PPM1E: variants seen among roughly 807,000 people sequenced by gnomAD.
PPM1E encodes protein phosphatase 1E.
Under a neutral mutation model 65.9 loss-of-function variants are expected in PPM1E, and 20 were observed. The ratio of observed to expected loss-of-function variants is 0.30; its 90% confidence interval spans 0.21 to 0.44. The LOEUF is 0.44. PPM1E is among the 20% of genes least tolerant of loss of function. PPM1E has a pLI of 1.00. For missense variants in PPM1E, 713 were observed against 953.1 expected (o/e 0.75, Z 3.32); for synonymous variants, 352 against 374.9 (o/e 0.94, Z 0.70).
At chr17:58,762,854 C>T (rs892263382) in intron 1 of PPM1E, among the ~76,000 whole-genome samples, 6 of 149,152 alleles carry the variant, frequency 4.0e-5, no homozygotes, top group Admixed American at 2.0e-4. Context: ...GCCGAGATCC[C>T]GCCACTGCAC....
intron 1 of PPM1E, among the ~76,000 whole-genome samples, chr17:58,809,350 A>ACT (rs2050343716): frequency 1.3e-5 from 2 of 152,062 alleles, no homozygotes; most frequent in African/African-American, 4.8e-5. Context: ...TAGCCTCCCA[A>ACT]AGTGTTGGGA....
intron 1 of PPM1E, among the ~76,000 whole-genome samples, chr17:58,823,377 G>A (rs35103007): frequency 0.18 from 28,086 of 152,122 alleles, 2,765 homozygotes; most frequent in Non-Finnish European, 0.21. Flanking sequence ...CACAGGAATG[G>A]TTTCTCAGGA....
rs143934307 is a variant in PPM1E at position 58,965,769 on chromosome 17, T to C, written c.659T>C (p.Phe220Ser). ...HEICCSWVKD[F>S]PLRRRPQLYY... Reference sequence around the variant, plus strand: ...ATTTGCTGCAGCTGGGTGAAAGACTTCCCCCTCCGCAGGAGACCCCAGCTT... The same window carrying C: ...ATTTGCTGCAGCTGGGTGAAAGACTCCCCCCTCCGCAGGAGACCCCAGCTT... Residue 220 changes from phenylalanine (F) to serine (S), a missense_variant, in exon 3 of 7, where the codon TTC becomes TCC. Phe to Ser is a radical substitution (Grantham distance 155, BLOSUM62 -2). This residue lies in a region of PPM1E where 84 missense variants were observed against 113.9 expected (regional missense o/e 0.74). Transcript: ENST00000308249. The C allele has an allele frequency of 1.1e-5, 18 of 1,613,900 alleles. No individual in the cohort carries two copies. The highest frequency in any genetic ancestry group is 1.5e-5 in the Non-Finnish European group (18 of 1,180,000).
At chr17:58,979,209 CA>C (rs1401794679) in intron 6 of PPM1E, among the ~76,000 whole-genome samples, 1 of 152,130 alleles carries the variant, frequency 6.6e-6, no homozygotes, top group Non-Finnish European at 1.5e-5. Context: ...GGGCGATGAG[CA>C]GAGCCATATG....
At chr17:58,901,320 C>T (rs2051495632) in intron 1 of PPM1E, among the ~76,000 whole-genome samples, 1 of 152,140 alleles carries the variant, frequency 6.6e-6, no homozygotes, top group Non-Finnish European at 1.5e-5. Context: ...TGTTCTTCCC[C>T]TTTTGAAGAA....
chr17:58,860,095 T>C (rs897275594), intron 1 of PPM1E, among the ~76,000 whole-genome samples: 1 of 152,198 alleles, frequency 6.6e-6, no homozygotes, highest in African/African-American at 2.4e-5. Flanking sequence ...GGTCTCTACA[T>C]GCCAAATGAC....
intron 1 of PPM1E, among the ~76,000 whole-genome samples, chr17:58,863,366 A>G (rs576150290): frequency 6.6e-6 from 1 of 152,302 alleles, no homozygotes; most frequent in Non-Finnish European, 1.5e-5. Context: ...AGCCAGGGCA[A>G]ACAAATGCTG....
At chr17:58,969,244 C>T (rs561799755) in intron 3 of PPM1E, among the ~76,000 whole-genome samples, 7 of 152,158 alleles carry the variant, frequency 4.6e-5, no homozygotes, top group South Asian at 2.1e-4. Flanking sequence ...AGCAAATGTA[C>T]GTGGGTGGTT....
chr17:58,773,227 T>G (rs192685680), intron 1 of PPM1E, among the ~76,000 whole-genome samples: 12 of 152,234 alleles, frequency 7.9e-5, no homozygotes, highest in East Asian at 3.9e-4. Context: ...TCTGGAGAGA[T>G]AGAAGCATAC....
intron 1 of PPM1E, among the ~76,000 whole-genome samples, chr17:58,888,479 T>C (rs1465439027): frequency 6.7e-6 from 1 of 148,920 alleles, no homozygotes; most frequent in Non-Finnish European, 1.5e-5. Flanking sequence ...TTCTCCTGCC[T>C]CAGCCTCCCG....
intron 1 of PPM1E, among the ~76,000 whole-genome samples, chr17:58,806,293 T>A (rs536855743): frequency 2.0e-4 from 31 of 152,128 alleles, no homozygotes; most frequent in African/African-American, 6.3e-4. Flanking sequence ...TTATTACCTA[T>A]CATTTTGCCG....
chr17:58,912,298 A>C (rs1040656946), intron 1 of PPM1E, among the ~76,000 whole-genome samples: 2 of 152,208 alleles, frequency 1.3e-5, no homozygotes, highest in African/African-American at 4.8e-5. Flanking sequence ...TTACACAATT[A>C]AACCCTTTGA....
Position 58,756,130 on chromosome 17 carries a change from T to TACGAGC in PPM1E, c.133_134insACGAGC (p.Ser45delinsTyrGluPro), listed in dbSNP as rs1555607488. 3 of 754,642 alleles carry TACGAGC rather than the reference T, an allele frequency of 4.0e-6. No individual in the cohort carries two copies. In the Admixed American group the frequency reaches 6.9e-5, roughly 17 times the overall value. 46.7% of individuals were successfully genotyped at this position (754,642 alleles called of 1,614,324 possible). ...ACCCGAACCCGAACCCGAACCCGAG[T>TACGAGC]CCGAGCCCGAGCCCGAACCTGAACT... On this transcript the variant is annotated protein_altering_variant, in exon 1 of 7. Coordinates refer to ENST00000308249, the MANE Select transcript of PPM1E (RefSeq NM_014906.5).
At chr17:58,771,926 A>G (rs1598560637) in intron 1 of PPM1E, among the ~76,000 whole-genome samples, 1 of 152,194 alleles carries the variant, frequency 6.6e-6, no homozygotes, top group East Asian at 1.9e-4. Context: ...CAAGTTAACC[A>G]GCAAGTACAA....
intron 1 of PPM1E, among the ~76,000 whole-genome samples, chr17:58,893,862 G>A (rs1458440370): frequency 6.6e-6 from 1 of 152,136 alleles, no homozygotes; most frequent in Non-Finnish European, 1.5e-5. Context: ...CCTGAAGCCA[G>A]GAGTTCAAGA....
At chr17:58,799,422 C>T (rs538565230) in intron 1 of PPM1E, among the ~76,000 whole-genome samples, 1 of 151,924 alleles carries the variant, frequency 6.6e-6, no homozygotes, top group Non-Finnish European at 1.5e-5. Flanking sequence ...GCTGGGACCA[C>T]AGGCGTGTGC....
chr17:58,875,393 A>ATTT (rs1204145551), intron 1 of PPM1E, among the ~76,000 whole-genome samples: 1 of 152,206 alleles, frequency 6.6e-6, no homozygotes, highest in Non-Finnish European at 1.5e-5. Flanking sequence ...GGCTGAAAGT[A>ATTT]TAGCTAGGTC....
chr17:58,957,844 C>G (rs1180206409), intron 2 of PPM1E, among the ~76,000 whole-genome samples: 2 of 152,192 alleles, frequency 1.3e-5, no homozygotes, highest in African/African-American at 4.8e-5. Flanking sequence ...TCCAGACAAC[C>G]TAAAACCAAT....
At chr17:58,979,689 C>G (rs964520208) in intron 6 of PPM1E, among the ~76,000 whole-genome samples, 12 of 152,296 alleles carry the variant, frequency 7.9e-5, no homozygotes, top group African/African-American at 2.9e-4. Flanking sequence ...TGTTGTTACA[C>G]TCAGCTAAGC....
Sources: allele counts gnomAD v4.1 joint callset (sites outside exome capture counted in the v4.1 genomes callset), GRCh38; gene constraint gnomAD v4.1.1; regional missense constraint gnomAD v4.1.1; transcripts MANE v1.5; gene names NCBI Gene and HGNC (gene_info 2026-07-23, HGNC 2026-07-21).